VPS26C: variants seen among roughly 807,000 people sequenced by gnomAD.
VPS26C encodes vacuolar protein sorting-associated protein 26C.
VPS26C carries 19 observed loss-of-function variants against 30.6 expected under a neutral mutation model. The observed-to-expected ratio is 0.62, with a 90% CI of 0.43 to 0.91. The LOEUF (loss-of-function observed/expected upper bound fraction) is 0.91. VPS26C is among the 40% of genes least tolerant of loss of function. The probability of loss-of-function intolerance (pLI) is 0.00; values close to 1 mark genes in which losing one functional copy is unlikely to be tolerated. For missense variants in VPS26C, 318 were observed against 385.1 expected, an observed-to-expected ratio of 0.83 and a Z score of 1.46; for synonymous variants, 132 against 151.5, an observed-to-expected ratio of 0.87 and a Z score of 0.95.
Position 37,266,858 on chromosome 21 carries a change from AGGGAAAG to A in VPS26C, c.57+373_57+379del, listed in dbSNP as rs903962820. The A allele has an allele frequency of 9.6e-5, 32 of 333,052 alleles. 1 individual carries two copies. The highest frequency in any genetic ancestry group is 6.6e-4 in the African/African-American group (29 of 44,196). The allele number at this position is 333,052 out of a possible 1,614,324, so 20.6% of individuals were successfully genotyped here. ...GACCTTTGCGGTCACCTTAGGAGAG[AGGGAAAG>A]GGGAGTTTGGTCGTCAACTCCTCCG... On this transcript the variant is annotated intron_variant, in intron 1 of 7. Coordinates refer to ENST00000309117, the MANE Select transcript of VPS26C (RefSeq NM_006052.2).
At chr21:37,265,246 C>G (rs1053530388) in intron 1 of VPS26C, among the ~76,000 whole-genome samples, 22 of 152,162 alleles carry the variant, frequency 1.4e-4, no homozygotes, top group African/African-American at 5.3e-4. Flanking sequence ...TAAAAAACTA[C>G]TGAATTGTAT....
rs761133494 is a variant in VPS26C, at chr21:37,228,326, TGTTGA to T, written c.550_554del (p.Ser184LysfsTer71). The stretch of plus-strand genomic sequence containing the variant: ...TTAGTGGCTGCGTGATGACACAGTT[TGTTGA>T]GTTGAGATGTCCTCGAAGGAGAAAT... On this transcript the variant is annotated frameshift_variant, in exon 6 of 8. Transcript: ENST00000309117. LOFTEE classifies it high-confidence loss of function. 22 of 1,614,094 alleles carry T rather than the reference TGTTGA, an allele frequency of 1.4e-5. No homozygotes were observed. The highest frequency in any genetic ancestry group is 2.2e-5 in the East Asian group (1 of 44,894).
chr21:37,235,851 G>GTATATATATATA (rs146084592), intron 3 of VPS26C, among the ~76,000 whole-genome samples: 6 of 55,120 alleles, frequency 1.1e-4, no homozygotes, highest in Non-Finnish European at 1.3e-4. Flanking sequence ...ATATGTGTGT[G>GTATATATATATA]TATATATATA....
intron 1 of VPS26C, among the ~76,000 whole-genome samples, chr21:37,263,598 T>G (rs1343818012): frequency 6.6e-6 from 1 of 152,210 alleles, no homozygotes; most frequent in African/African-American, 2.4e-5. Flanking sequence ...TGTCAAACCC[T>G]ACCCCAGAAC....
At chr21:37,237,760 TA>T (rs1345573892) in intron 3 of VPS26C, 1 of 152,242 alleles carries the variant, frequency 6.6e-6, no homozygotes, top group African/African-American at 2.4e-5. Context: ...ATGTATCTAC[TA>T]AGGCCAAATT....
chr21:37,265,244 T>G (rs1332445160), intron 1 of VPS26C, among the ~76,000 whole-genome samples: 2 of 152,218 alleles, frequency 1.3e-5, no homozygotes, highest in Non-Finnish European at 1.5e-5. Context: ...ACTAAAAAAC[T>G]ACTGAATTGT....
In VPS26C at chr21:37,233,499, G is replaced by T; in HGVS notation, c.352-57C>A. Reference sequence around the variant, plus strand: ...TTTTAGTGGGATTTGCTTTCATCTTGGAATTATATTCAAAGAGACAAGTCA... The same window carrying T: ...TTTTAGTGGGATTTGCTTTCATCTTTGAATTATATTCAAAGAGACAAGTCA... On this transcript the variant is annotated intron_variant, in intron 3 of 7. Transcript: ENST00000309117. The surrounding 1 kb of genome is among the most constrained non-coding windows in gnomAD (Gnocchi z 5.2). 3 of 1,242,288 alleles carry T rather than the reference G, an allele frequency of 2.4e-6. No individual in the cohort carries two copies. Among genetic ancestry groups the T allele is most frequent in the Non-Finnish European group, 3.6e-6 (3 of 842,914 alleles). 77.0% of individuals were successfully genotyped at this position (1,242,288 alleles called of 1,614,324 possible).
intron 1 of VPS26C, among the ~76,000 whole-genome samples, chr21:37,247,565 C>T (rs950942982): frequency 2.0e-5 from 3 of 152,002 alleles, no homozygotes; most frequent in Admixed American, 6.6e-5. Flanking sequence ...AAAACACATT[C>T]CCCCCAACCA....
intron 3 of VPS26C, among the ~76,000 whole-genome samples, chr21:37,236,538 T>C (rs2086026622): frequency 6.6e-6 from 1 of 152,218 alleles, no homozygotes; most frequent in South Asian, 2.1e-4. Context: ...ACAAACGTCC[T>C]TAGTTTTTGG....
At chr21:37,254,062 A>G (rs746449019) in intron 1 of VPS26C, among the ~76,000 whole-genome samples, 1 of 152,206 alleles carries the variant, frequency 6.6e-6, no homozygotes, top group Non-Finnish European at 1.5e-5. Flanking sequence ...GAGGGCTCCA[A>G]TTACAAAGGA....
At chr21:37,240,439 C>G (rs2086073765) in intron 2 of VPS26C, 57 bp downstream of exon 2, 17 of 1,598,624 alleles carry the variant, frequency 1.1e-5, no homozygotes, top group Non-Finnish European at 1.5e-5. Context: ...GCCACTGCGC[C>G]CAGCCCAACA....
intron 1 of VPS26C, among the ~76,000 whole-genome samples, 191 bp from the exon 2 acceptor site, chr21:37,240,830 C>T (rs1035521723): frequency 6.6e-6 from 1 of 152,190 alleles, no homozygotes; most frequent in African/African-American, 2.4e-5. Flanking sequence ...AATGACGTGG[C>T]AGCCTGGACA....
intron 6 of VPS26C, among the ~76,000 whole-genome samples, 197 bp from the exon 7 acceptor site, chr21:37,228,003 G>A (rs2085920427): frequency 1.3e-5 from 2 of 152,214 alleles, no homozygotes; most frequent in Admixed American, 1.3e-4. Context: ...GTTTTTTAGA[G>A]TCAGGGTCAT....
intron 1 of VPS26C, among the ~76,000 whole-genome samples, chr21:37,265,884 T>C (rs942442663): frequency 2.0e-5 from 3 of 151,494 alleles, no homozygotes; most frequent in Non-Finnish European, 2.9e-5. Context: ...CTACCAGATT[T>C]CTCCATTATA....
rs75445357 is a variant in VPS26C at position 37,267,156 on chromosome 21, G to A, written c.57+82C>T. 9.3e-3 allele frequency: 11,629 copies of A among 1,250,878 alleles called. 357 individuals carry two copies. Among genetic ancestry groups the A allele is most frequent in the African/African-American group, 0.093 (6,250 of 67,302 alleles). 77.5% of individuals were successfully genotyped at this position (1,250,878 alleles called of 1,614,324 possible). On this transcript the variant is annotated intron_variant, in intron 1 of 7. Coordinates refer to ENST00000309117, the MANE Select transcript of VPS26C (RefSeq NM_006052.2). Reference sequence around the variant, plus strand: ...AGCCCTGCCCCGCCTAGGGACGCGGGACGTGCGCAGAGCGATGGAGACAGC... The same window carrying A: ...AGCCCTGCCCCGCCTAGGGACGCGGAACGTGCGCAGAGCGATGGAGACAGC...
At chr21:37,228,520 G>A (rs1334677158) in intron 5 of VPS26C, 147 bp from the exon 6 acceptor site, 5 of 799,246 alleles carry the variant, frequency 6.3e-6, no homozygotes, top group Admixed American at 2.6e-5. Context: ...AGAAAGGAGC[G>A]AAGTACTGAC....
Position 37,233,154 on chromosome 21 carries a change from G to A in VPS26C, c.432+208C>T, listed in dbSNP as rs2085983417. 7 of 528,220 alleles carry A rather than the reference G, an allele frequency of 1.3e-5. No homozygotes were observed. The highest frequency in any genetic ancestry group is 1.3e-4 in the South Asian group (5 of 37,886). The allele number at this position is 528,220 out of a possible 1,614,324, so 32.7% of individuals were successfully genotyped here. On this transcript the variant is annotated intron_variant, in intron 4 of 7. Transcript: ENST00000309117. This position sits in a 1 kb window ranked among gnomAD's most constrained non-coding sequence, Gnocchi z 5.2. ...CCGACGTGGAGTCCCTCTGGCCCGC[G>A]GCCTCAGCTGGGGGACTCTGGGCCC...
intron 2 of VPS26C, 83 bp downstream of exon 2, chr21:37,240,413 C>G (rs1387342992): frequency 6.6e-7 from 1 of 1,509,834 alleles, no homozygotes. Flanking sequence ...GCCTGAGCCA[C>G]TGCGCCTGGC....
At chr21:37,235,838 T>G (rs2086014785) in intron 3 of VPS26C, among the ~76,000 whole-genome samples, 1 of 126,236 alleles carries the variant, frequency 7.9e-6, no homozygotes, top group African/African-American at 3.1e-5. Flanking sequence ...TATATATGTG[T>G]GTATATGTGT....
Sources: gnomAD v4.1 joint callset for allele counts (sites outside exome capture counted in the v4.1 genomes callset) on GRCh38, gnomAD v4.1.1 for gene constraint, Gnocchi (gnomAD v3.1) non-coding constraint, MANE v1.5 for transcripts, NCBI Gene and HGNC (gene_info 2026-07-23, HGNC 2026-07-21) for gene names.